Variants in MAP3K13 observed in about 807,000 individuals in gnomAD.
MAP3K13 encodes leucine zipper-bearing kinase.
Under a neutral mutation model 104.0 loss-of-function variants are expected in MAP3K13, and 52 were observed. That is an observed-to-expected ratio of 0.50 (90% CI 0.40 to 0.63). The LOEUF is 0.63. Ranked by LOEUF, MAP3K13 falls within the 20% of genes least tolerant of loss-of-function variation. The probability of loss-of-function intolerance (pLI) is 0.00; values close to 1 mark genes in which losing one functional copy is unlikely to be tolerated. For synonymous variants in MAP3K13, 394 were observed against 442.2 expected (o/e 0.89, Z 1.37); for missense variants, 914 against 1,218.5 (o/e 0.75, Z 3.72).
rs1225210800 is a variant in MAP3K13, at chr3:185,325,547, A to G, written c.-86+39904A>G. ...TCCTCATAGACTGCTACCTTGGCTC[A>G]GTGTCACCTCAAAACTGCCTATTTG... On this transcript the variant is annotated intron_variant, in intron 2 of 14. Transcript: ENST00000424227. 2.0e-5 allele frequency among the ~76,000 whole-genome samples: 3 copies of G among 152,164 alleles called. No individual in the cohort carries two copies. The East Asian group carries it at 5.8e-4, about 29-fold the overall frequency.
At chr3:185,456,533 A>ACAG (rs1716756257) in intron 7 of MAP3K13, among the ~76,000 whole-genome samples, 1 of 151,594 alleles carries the variant, frequency 6.6e-6, no homozygotes, top group South Asian at 2.1e-4. Flanking sequence ...GAAAGAGAAT[A>ACAG]TAGTACTCGC....
chr3:185,352,111 T>C (rs915368121), intron 2 of MAP3K13, among the ~76,000 whole-genome samples: 1 of 152,150 alleles, frequency 6.6e-6, no homozygotes, highest in Non-Finnish European at 1.5e-5. Context: ...AGTACAGAAC[T>C]ATTTAGCAGA....
intron 1 of MAP3K13, among the ~76,000 whole-genome samples, chr3:185,368,632 G>A (rs570731909): frequency 2.6e-5 from 4 of 152,130 alleles, no homozygotes; most frequent in South Asian, 2.1e-4. Context: ...CCCATGTACC[G>A]GGCATGAGAG....
At chr3:185,299,286 A>T (rs1355641739) in intron 2 of MAP3K13, among the ~76,000 whole-genome samples, 1 of 152,192 alleles carries the variant, frequency 6.6e-6, no homozygotes, top group African/African-American at 2.4e-5. Context: ...GGCACCGTAA[A>T]GGTAGGTAAG....
rs1476091115 is a variant in MAP3K13 at position 185,325,612 on chromosome 3, A to G, written c.-86+39969A>G. 2.0e-5 allele frequency among the ~76,000 whole-genome samples: 3 copies of G among 152,192 alleles called. No individual in the cohort carries two copies. In the East Asian group the frequency reaches 5.8e-4, roughly 29 times the overall value. ...AGGGGTGGTTAAAAGCTGAGAAGGT[A>G]AGAAGGACCAGGTATGATCAGACTG... On this transcript the variant is annotated intron_variant, in intron 2 of 14. Coordinates refer to the MAP3K13 transcript ENST00000424227.
chr3:185,417,727 A>T, intron 1 of MAP3K13: 1 of 1,612,550 alleles, frequency 6.2e-7, no homozygotes, highest in Middle Eastern at 2.0e-4. Context: ...TGCCTTATCC[A>T]CCCGGAGCTT....
intron 2 of MAP3K13, among the ~76,000 whole-genome samples, chr3:185,298,152 C>G (rs1458672697): frequency 6.6e-6 from 1 of 152,124 alleles, no homozygotes; most frequent in Admixed American, 6.5e-5. Context: ...GTTCCACTTG[C>G]AAAATGTGCT....
At chr3:185,294,910 A>T (rs1359430549) in intron 2 of MAP3K13, among the ~76,000 whole-genome samples, 1 of 152,262 alleles carries the variant, frequency 6.6e-6, no homozygotes, top group East Asian at 1.9e-4. Context: ...ACCTGTTTCC[A>T]TGTCCATCCT....
intron 2 of MAP3K13, among the ~76,000 whole-genome samples, chr3:185,345,240 T>TAC (rs756514087): frequency 2.5e-4 from 35 of 137,404 alleles, no homozygotes; most frequent in Middle Eastern, 3.8e-3. Context: ...CACACACACA[T>TAC]ACACACACAC....
At chr3:185,426,294 C>T (rs939271230) in intron 1 of MAP3K13, among the ~76,000 whole-genome samples, 6 of 152,164 alleles carry the variant, frequency 3.9e-5, no homozygotes, top group Non-Finnish European at 7.4e-5. Flanking sequence ...GCTGGCCAGA[C>T]TGGTCTCGAA....
intron 1 of MAP3K13, among the ~76,000 whole-genome samples, chr3:185,390,140 A>G (rs1424249856): frequency 6.6e-6 from 1 of 152,206 alleles, no homozygotes; most frequent in Non-Finnish European, 1.5e-5. Context: ...AAGATCTCAG[A>G]GGTCCCCAGG....
chr3:185,449,835 G>T, intron 5 of MAP3K13, 65 bp from the exon 6 acceptor site: 1 of 1,384,822 alleles, frequency 7.2e-7, no homozygotes. Context: ...TCAATTAATA[G>T]AGAACTAAAA....
At chr3:185,419,162 G>A (rs1713982241) in intron 1 of MAP3K13, among the ~76,000 whole-genome samples, 1 of 151,872 alleles carries the variant, frequency 6.6e-6, no homozygotes, top group Non-Finnish European at 1.5e-5. Context: ...GACTACAGGT[G>A]TGCTAATTTT....
At chr3:185,350,594 T>C (rs1195604308) in intron 2 of MAP3K13, among the ~76,000 whole-genome samples, 2 of 152,218 alleles carry the variant, frequency 1.3e-5, no homozygotes, top group Non-Finnish European at 2.9e-5. Flanking sequence ...AATCATACTA[T>C]ATGGTATGCT....
chr3:185,373,008 A>C (rs970995836), intron 1 of MAP3K13, among the ~76,000 whole-genome samples: 1 of 152,206 alleles, frequency 6.6e-6, no homozygotes, highest in Non-Finnish European at 1.5e-5. Context: ...TAGAACTTGT[A>C]CCCAGAAATT....
At chr3:185,329,250 G>T in intron 2 of MAP3K13, 1 of 703,122 alleles carries the variant, frequency 1.4e-6, no homozygotes. Context: ...GAAAATAAAA[G>T]TGAGTATGTA....
intron 2 of MAP3K13, among the ~76,000 whole-genome samples, chr3:185,307,690 C>A (rs1377830072): frequency 1.3e-5 from 2 of 151,750 alleles, no homozygotes; most frequent in Non-Finnish European, 2.9e-5. Context: ...ATTACAGGCG[C>A]ATGCCACCAC....
intron 1 of MAP3K13, among the ~76,000 whole-genome samples, chr3:185,379,681 C>T (rs543109567): frequency 2.1e-4 from 32 of 152,288 alleles, no homozygotes; most frequent in South Asian, 6.2e-4. Context: ...CTGGTGCAGG[C>T]GGGCTGAGTC....
intron 1 of MAP3K13, among the ~76,000 whole-genome samples, chr3:185,397,770 C>T (rs1251458607): frequency 6.6e-6 from 1 of 152,012 alleles, no homozygotes; most frequent in Admixed American, 6.6e-5. Context: ...AAACACATTT[C>T]TCTGCCTGCC....
Sources: gnomAD v4.1 joint callset for allele counts (sites outside exome capture counted in the v4.1 genomes callset) on GRCh38, gnomAD v4.1.1 for gene constraint, MANE v1.5 for transcripts, NCBI Gene and HGNC (gene_info 2026-07-23, HGNC 2026-07-21) for gene names.